Variants in STXBP5L observed in about 807,000 individuals in gnomAD.
STXBP5L encodes the protein syntaxin-binding protein 5-like.
In STXBP5L, 65 loss-of-function variants were observed where a neutral mutation model predicts 144.5. The ratio of observed to expected loss-of-function variants is 0.45; its 90% confidence interval spans 0.37 to 0.55. The LOEUF is 0.55. Among genes scored for constraint, STXBP5L ranks in the 20% least tolerant of loss-of-function variants. The pLI, the probability that STXBP5L is intolerant of heterozygous loss-of-function variation, is 0.00. For synonymous variants in STXBP5L, 505 were observed against 469.6 expected (o/e 1.08, Z -0.97); for missense variants, 1,298 against 1,405.5 (o/e 0.92, Z 1.22).
intron 5 of STXBP5L, among the ~76,000 whole-genome samples, chr3:121,050,222 T>C (rs1947857918): frequency 6.6e-6 from 1 of 152,136 alleles, no homozygotes; most frequent in Non-Finnish European, 1.5e-5. Flanking sequence ...CTCAGCTATC[T>C]CACGCCAAAT....
intron 5 of STXBP5L, among the ~76,000 whole-genome samples, chr3:121,095,257 ATG>A (rs1274132131): frequency 6.6e-6 from 1 of 151,848 alleles, no homozygotes; most frequent in South Asian, 2.1e-4. Flanking sequence ...TCTGACACTT[ATG>A]TGTCTTGGAG....
At chr3:120,915,206 T>G (rs1394896305) in intron 2 of STXBP5L, among the ~76,000 whole-genome samples, 4 of 152,146 alleles carry the variant, frequency 2.6e-5, no homozygotes, top group Admixed American at 2.0e-4. Context: ...AATTTCCAAG[T>G]ATGTTTTTCT....
intron 3 of STXBP5L, among the ~76,000 whole-genome samples, chr3:121,024,694 A>G (rs1160943814): frequency 6.6e-6 from 1 of 152,220 alleles, no homozygotes; most frequent in East Asian, 1.9e-4. Context: ...ACACTCAAGT[A>G]GAAAACGTTA....
intron 3 of STXBP5L, among the ~76,000 whole-genome samples, chr3:121,014,695 A>G (rs575342977): frequency 6.6e-6 from 1 of 151,888 alleles, no homozygotes; most frequent in Non-Finnish European, 1.5e-5. Flanking sequence ...TTACACTCTC[A>G]CCAGCAATAT....
At chr3:121,144,353 A>G (rs1211950271) in intron 7 of STXBP5L, among the ~76,000 whole-genome samples, 1 of 151,822 alleles carries the variant, frequency 6.6e-6, no homozygotes, top group Non-Finnish European at 1.5e-5. Flanking sequence ...CACACAAAGA[A>G]TGCCTAAGAT....
intron 9 of STXBP5L, among the ~76,000 whole-genome samples, chr3:121,172,308 T>C (rs141858110): frequency 6.6e-6 from 1 of 152,120 alleles, no homozygotes; most frequent in Non-Finnish European, 1.5e-5. Flanking sequence ...CCAAAAGCAA[T>C]GGCAACAAAA....
At chr3:121,057,875 C>A (rs547530137) in intron 5 of STXBP5L, among the ~76,000 whole-genome samples, 1 of 151,940 alleles carries the variant, frequency 6.6e-6, no homozygotes, top group Non-Finnish European at 1.5e-5. Context: ...CTCACTCTAT[C>A]TTCCAAATAC....
At position 121,376,493 on chromosome 3, in the gene STXBP5L, C is replaced by A. The variant is rs182058865; in HGVS notation, c.2177-2223C>A. 3.0e-3 allele frequency among the ~76,000 whole-genome samples: 456 copies of A among 152,286 alleles called. 2 individuals are homozygous for A. Among genetic ancestry groups the A allele is most frequent in the Non-Finnish European group, 5.3e-3 (360 of 68,018 alleles). On this transcript the variant is annotated intron_variant, in intron 20 of 26. Coordinates refer to ENST00000471454, the MANE Select transcript of STXBP5L (RefSeq NM_001308330.2). ...AGCACCATTGATTAAATAGGGAATT[C>A]TTTCCCCATTGCTTGTTTTTGTCAG...
chr3:121,343,482 T>G (rs1314531650), intron 20 of STXBP5L, among the ~76,000 whole-genome samples: 3 of 152,136 alleles, frequency 2.0e-5, no homozygotes, highest in African/African-American at 7.2e-5. Context: ...ATGACATGAC[T>G]GTATATCTAG....
rs533603603 is a variant in STXBP5L at position 121,326,429 on chromosome 3, G to C, written c.2176+7889G>C. On this transcript the variant is annotated intron_variant, in intron 20 of 26. Coordinates refer to ENST00000471454, the MANE Select transcript of STXBP5L (RefSeq NM_001308330.2). ...AGTTTCTGGCTTAGGGAAAGGTAGAGACAAATGAAATTTGTTACTGTATTC... is the reference window on the plus strand; with the variant it reads ...AGTTTCTGGCTTAGGGAAAGGTAGACACAAATGAAATTTGTTACTGTATTC... Among the ~76,000 whole-genome samples the C allele has an allele frequency of 2.0e-5, 3 of 152,116 alleles. No homozygotes were observed. In the East Asian group the frequency reaches 5.8e-4, roughly 29 times the overall value.
At chr3:121,367,092 A>G (rs748861501) in intron 20 of STXBP5L, among the ~76,000 whole-genome samples, 5 of 152,156 alleles carry the variant, frequency 3.3e-5, no homozygotes, top group Non-Finnish European at 7.4e-5. Flanking sequence ...TACCATATGT[A>G]CCCCACAACA....
chr3:121,050,348 G>C (rs1947870286), intron 5 of STXBP5L, among the ~76,000 whole-genome samples: 2 of 152,006 alleles, frequency 1.3e-5, no homozygotes, highest in African/African-American at 4.8e-5. Context: ...TTTAAAATAA[G>C]TAATGTAGCA....
chr3:121,241,211 G>C (rs2049654372), intron 14 of STXBP5L, among the ~76,000 whole-genome samples: 1 of 152,004 alleles, frequency 6.6e-6, no homozygotes, highest in Admixed American at 6.6e-5. Flanking sequence ...CCCAGAATTA[G>C]AGCTAAAGAA....
intron 3 of STXBP5L, among the ~76,000 whole-genome samples, chr3:120,958,284 A>C (rs1046481312): frequency 2.0e-5 from 3 of 152,198 alleles, no homozygotes; most frequent in African/African-American, 4.8e-5. Flanking sequence ...CCAACCAAAA[A>C]AAGTCCAGGA....
intron 3 of STXBP5L, among the ~76,000 whole-genome samples, chr3:121,033,559 C>T (rs1464277653): frequency 1.9e-5 from 2 of 106,858 alleles, no homozygotes; most frequent in Non-Finnish European, 3.9e-5. Context: ...TACCCTAAAA[C>T]TTAAAGTACA....
chr3:121,191,486 G>T (rs2047680879), intron 9 of STXBP5L, among the ~76,000 whole-genome samples: 1 of 152,168 alleles, frequency 6.6e-6, no homozygotes, highest in Non-Finnish European at 1.5e-5. Flanking sequence ...CGAGATAGCT[G>T]CAATACAGTC....
At chr3:121,145,240 C>A (rs1054971455) in intron 7 of STXBP5L, among the ~76,000 whole-genome samples, 4 of 151,718 alleles carry the variant, frequency 2.6e-5, no homozygotes, top group Non-Finnish European at 5.9e-5. Flanking sequence ...ATCCCACCAG[C>A]ACATTAAAAA....
intron 5 of STXBP5L, among the ~76,000 whole-genome samples, chr3:121,061,868 A>T (rs1455667028): frequency 6.6e-6 from 1 of 152,172 alleles, no homozygotes; most frequent in Non-Finnish European, 1.5e-5. Context: ...GTGTCTTTGC[A>T]CATGAGATGG....
chr3:121,423,065 T>C lies in STXBP5L; in HGVS notation c.*3968T>C, dbSNP rs2047387483. 1 of 152,156 alleles carries C rather than the reference T, an allele frequency of 6.6e-6. No homozygotes were observed. 9.4% of individuals were successfully genotyped at this position (152,156 alleles called of 1,614,324 possible). On this transcript the variant is annotated 3_prime_UTR_variant, in exon 27 of 27. Transcript: ENST00000471454. ...GGATCATTGGGTCAAACTGGGAGTA[T>C]ATCTGTGTGATTACAACCTGCTGCT...
Sources: gnomAD v4.1 joint callset for allele counts (sites outside exome capture counted in the v4.1 genomes callset) on GRCh38, gnomAD v4.1.1 for gene constraint, MANE v1.5 for transcripts, NCBI Gene and HGNC (gene_info 2026-07-23, HGNC 2026-07-21) for gene names.